MAF: variants seen among roughly 807,000 people sequenced by gnomAD.
MAF encodes transcription factor Maf.
A neutral mutation model predicts 22.0 loss-of-function variants in MAF; 10 were observed. The observed-to-expected ratio is 0.45, with a 90% CI of 0.28 to 0.77. The LOEUF (loss-of-function observed/expected upper bound fraction) is 0.77, where lower values mean the gene tolerates loss of function less well. MAF is among the 30% of genes least tolerant of loss of function. MAF has a pLI of 0.12. For synonymous variants in MAF, 337 were observed against 255.8 expected, an observed-to-expected ratio of 1.32 and a Z score of -3.03; for missense variants, 544 against 548.4, an observed-to-expected ratio of 0.99 and a Z score of 0.08.
At chr16:79,315,999 G>C in the MAF span, among the ~76,000 whole-genome samples, 2 of 152,336 alleles carry the variant, frequency 1.3e-5, no homozygotes, top group East Asian at 1.9e-4. Flanking sequence ...CGAGTTGCTG[G>C]TCCTTGCAAG....
the MAF span, among the ~76,000 whole-genome samples, chr16:79,506,813 C>A: frequency 6.6e-5 from 10 of 152,084 alleles, no homozygotes; most frequent in Admixed American, 2.6e-4. Context: ...GGGGAGTAGA[C>A]TCAAGATGGG....
chr16:79,357,681 G>A, the MAF span, among the ~76,000 whole-genome samples: 10 of 152,168 alleles, frequency 6.6e-5, no homozygotes, highest in Non-Finnish European at 1.0e-4. Flanking sequence ...TCCCTAGCAG[G>A]CATTGGCACT....
At chr16:79,250,217 T>C in the MAF span, among the ~76,000 whole-genome samples, 1 of 152,252 alleles carries the variant, frequency 6.6e-6, no homozygotes, top group African/African-American at 2.4e-5. Context: ...CTGGCTCTTG[T>C]GCATGGCACT....
chr16:79,410,468 C>G, the MAF span, among the ~76,000 whole-genome samples: 1 of 152,228 alleles, frequency 6.6e-6, no homozygotes, highest in African/African-American at 2.4e-5. Flanking sequence ...AGATCATTTC[C>G]TATTCAATTC....
At chr16:79,235,359 C>A in the MAF span, among the ~76,000 whole-genome samples, 1 of 151,732 alleles carries the variant, frequency 6.6e-6, no homozygotes, top group African/African-American at 2.4e-5. Flanking sequence ...TTGAGGCAAG[C>A]CTGGGGAACA....
the MAF span, among the ~76,000 whole-genome samples, chr16:79,372,329 AATAATAG>A: frequency 2.0e-5 from 3 of 152,142 alleles, no homozygotes; most frequent in Non-Finnish European, 4.4e-5. Context: ...AGATTTTTTA[AATAATAG>A]ATGTTAAAAA....
the MAF span, among the ~76,000 whole-genome samples, chr16:79,360,448 G>T: frequency 1.3e-5 from 2 of 152,154 alleles, no homozygotes; most frequent in East Asian, 3.9e-4. Flanking sequence ...TGAGTCATGT[G>T]GCTGTGTGCC....
At chr16:79,524,927 T>C in the MAF span, among the ~76,000 whole-genome samples, 22 of 152,116 alleles carry the variant, frequency 1.4e-4, no homozygotes, top group Non-Finnish European at 2.8e-4. Flanking sequence ...TACAGCCACG[T>C]GAGGTTTGCT....
the MAF span, among the ~76,000 whole-genome samples, chr16:79,350,852 G>A: frequency 6.8e-6 from 1 of 147,264 alleles, no homozygotes; most frequent in Non-Finnish European, 1.5e-5. Flanking sequence ...CAGGTGGCCT[G>A]CCTAACAGTG....
the MAF span, among the ~76,000 whole-genome samples, chr16:79,221,379 C>A: frequency 3.3e-5 from 5 of 152,146 alleles, no homozygotes; most frequent in African/African-American, 7.2e-5. Context: ...GAATCCAGAA[C>A]CTTCCAGAAG....
At chr16:79,449,318 C>T in the MAF span, among the ~76,000 whole-genome samples, 10 of 152,118 alleles carry the variant, frequency 6.6e-5, no homozygotes, top group African/African-American at 1.7e-4. Flanking sequence ...GTCTGTGGCC[C>T]GAAGGTTGGG....
the MAF span, among the ~76,000 whole-genome samples, chr16:79,361,619 A>T: frequency 1.3e-5 from 2 of 152,150 alleles, no homozygotes; most frequent in East Asian, 3.9e-4. Flanking sequence ...AATGGAGCCC[A>T]TAGCTATTTT....
At chr16:79,464,191 A>G in the MAF span, among the ~76,000 whole-genome samples, 1 of 152,282 alleles carries the variant, frequency 6.6e-6, no homozygotes, top group East Asian at 1.9e-4. Context: ...TTAAACATTA[A>G]TTTTGGAATA....
At chr16:79,568,246 A>G in the MAF span, among the ~76,000 whole-genome samples, 1 of 152,206 alleles carries the variant, frequency 6.6e-6, no homozygotes, top group African/African-American at 2.4e-5. Context: ...GAAGTCTGGC[A>G]GGGATGGGTG....
chr16:79,229,545 T>C, the MAF span: 1 of 152,046 alleles, frequency 6.6e-6, no homozygotes, highest in Non-Finnish European at 1.5e-5. Context: ...AGCCCGAAGA[T>C]GGGCTGTGAG....
At chr16:79,417,264 G>T in the MAF span, among the ~76,000 whole-genome samples, 1 of 152,104 alleles carries the variant, frequency 6.6e-6, no homozygotes, top group Non-Finnish European at 1.5e-5. Flanking sequence ...AAAGCCTGTG[G>T]TGAACTACAC....
the MAF span, among the ~76,000 whole-genome samples, chr16:79,491,285 C>T: frequency 6.6e-6 from 1 of 152,102 alleles, no homozygotes; most frequent in South Asian, 2.1e-4. Context: ...GTTAGAGGAA[C>T]CGAGAGATTG....
chr16:79,533,893 C>T, the MAF span, among the ~76,000 whole-genome samples: 90,364 of 151,962 alleles, frequency 0.59, 29,383 homozygotes, highest in Non-Finnish European at 0.73. Context: ...AATGTCAGTG[C>T]ACTAAGCAAG....
the MAF span, among the ~76,000 whole-genome samples, chr16:79,573,468 C>G: frequency 6.6e-6 from 1 of 152,126 alleles, no homozygotes; most frequent in East Asian, 1.9e-4. Flanking sequence ...GAAAAATTCC[C>G]CGCCCTTTCT....
Sources: gnomAD v4.1 joint callset for allele counts (sites outside exome capture counted in the v4.1 genomes callset) on GRCh38, gnomAD v4.1.1 for gene constraint, MANE v1.5 for transcripts, NCBI Gene and HGNC (gene_info 2026-07-23, HGNC 2026-07-21) for gene names.